Variants in NEGR1 observed in about 807,000 individuals in gnomAD.
The protein encoded by NEGR1 is neuronal growth regulator 1.
NEGR1 carries 10 observed loss-of-function variants against 40.9 expected under a neutral mutation model. That is an observed-to-expected ratio of 0.24 (90% confidence interval 0.15 to 0.42). The LOEUF is 0.42. NEGR1 is among the 10% of genes least tolerant of loss of function. The probability of loss-of-function intolerance (pLI) is 1.00; values close to 1 mark genes in which losing one functional copy is unlikely to be tolerated. For missense variants in NEGR1, 352 were observed against 438.9 expected (o/e 0.80, Z 1.77); for synonymous variants, 185 against 166.8 (o/e 1.11, Z -0.84).
rs1646239081 is a variant in NEGR1 at position 71,400,430 on chromosome 1, T to G, written c.*7016A>C. On this transcript the variant is annotated 3_prime_UTR_variant, in exon 7 of 7. Transcript: ENST00000357731. The stretch of plus-strand genomic sequence containing the variant: ...AATTCCTGTTATACCATGAATTAAA[T>G]GCCCCTGTGACAAAAAAAAAAAGAC... The G allele has an allele frequency of 1.3e-5, 2 of 151,602 alleles. No homozygotes were observed. Among genetic ancestry groups the G allele is most frequent in the Admixed American group, 1.3e-4 (2 of 15,208 alleles). The allele number at this position is 151,602 out of a possible 1,614,324, so 9.4% of individuals were successfully genotyped here.
chr1:71,712,547 A>C (rs1220520657), intron 3 of NEGR1, among the ~76,000 whole-genome samples: 1 of 152,204 alleles, frequency 6.6e-6, no homozygotes, highest in Admixed American at 6.5e-5. Context: ...TGGCCAGAGA[A>C]TATAACTTTG....
chr1:71,902,933 C>A (rs2101865144), intron 2 of NEGR1, among the ~76,000 whole-genome samples: 1 of 151,814 alleles, frequency 6.6e-6, no homozygotes, highest in South Asian at 2.1e-4. Context: ...TTCATATATT[C>A]ATTAGCTATG....
intron 1 of NEGR1, among the ~76,000 whole-genome samples, chr1:72,099,047 T>C (rs1180812417): frequency 2.6e-5 from 4 of 151,964 alleles, no homozygotes; most frequent in African/African-American, 4.8e-5. Flanking sequence ...TTCATTTAAA[T>C]TGTTATTAAT....
intron 1 of NEGR1, among the ~76,000 whole-genome samples, chr1:72,007,461 T>G (rs1646617732): frequency 6.6e-6 from 1 of 151,988 alleles, no homozygotes; most frequent in African/African-American, 2.4e-5. Flanking sequence ...CAGTGTGAGC[T>G]CACTTGGTTG....
intron 1 of NEGR1, among the ~76,000 whole-genome samples, chr1:72,012,447 C>T (rs1646665538): frequency 1.3e-5 from 2 of 152,022 alleles, no homozygotes; most frequent in African/African-American, 4.8e-5. Context: ...TTATTGGTGC[C>T]AAAGTGAATT....
At chr1:71,659,076 A>G (rs1444411581) in intron 4 of NEGR1, among the ~76,000 whole-genome samples, 1 of 152,152 alleles carries the variant, frequency 6.6e-6, no homozygotes, top group Non-Finnish European at 1.5e-5. Flanking sequence ...AGGTAGAAAG[A>G]CTTTTACTGA....
chr1:71,550,886 A>G (rs981802323), intron 6 of NEGR1, among the ~76,000 whole-genome samples: 1 of 151,608 alleles, frequency 6.6e-6, no homozygotes, highest in Non-Finnish European at 1.5e-5. Flanking sequence ...CTATGAGATA[A>G]GCCCTACGTA....
intron 5 of NEGR1, among the ~76,000 whole-genome samples, chr1:71,598,873 G>A (rs1328742513): frequency 6.6e-6 from 1 of 152,014 alleles, no homozygotes; most frequent in Admixed American, 6.6e-5. Flanking sequence ...CATCATTTCA[G>A]CTTTAAGTTT....
intron 3 of NEGR1, among the ~76,000 whole-genome samples, chr1:71,710,362 T>A (rs994878922): frequency 3.9e-5 from 6 of 152,124 alleles, no homozygotes; most frequent in Admixed American, 6.6e-5. Context: ...GATGCAGCAA[T>A]CCCACTGCTG....
At chr1:71,926,685 T>C (rs923628769) in intron 2 of NEGR1, among the ~76,000 whole-genome samples, 7 of 151,396 alleles carry the variant, frequency 4.6e-5, no homozygotes, top group African/African-American at 1.5e-4. Context: ...TTGTCTTTCA[T>C]TGGCAAGTAA....
At chr1:71,763,197 T>C (rs1162722315) in intron 3 of NEGR1, among the ~76,000 whole-genome samples, 1 of 152,172 alleles carries the variant, frequency 6.6e-6, no homozygotes, top group Non-Finnish European at 1.5e-5. Context: ...ATTGCACTAA[T>C]GACCATTTCC....
chr1:72,262,630 CCTT>C (rs1170379320), intron 1 of NEGR1, among the ~76,000 whole-genome samples: 4 of 151,852 alleles, frequency 2.6e-5, no homozygotes, highest in African/African-American at 9.7e-5. Flanking sequence ...ATTATTATCT[CCTT>C]CACTCAAAAA....
chr1:71,869,217 G>C (rs1660207363), intron 2 of NEGR1, among the ~76,000 whole-genome samples: 1 of 152,154 alleles, frequency 6.6e-6, no homozygotes, highest in East Asian at 1.9e-4. Flanking sequence ...GAATAGATTA[G>C]AGGAAGGAAT....
intron 1 of NEGR1, among the ~76,000 whole-genome samples, chr1:71,952,058 C>G: frequency 6.6e-6 from 1 of 151,840 alleles, no homozygotes; most frequent in East Asian, 1.9e-4. Context: ...CAAGATACAA[C>G]AATTTTGCAA....
chr1:71,519,466 A>G (rs1279711827), intron 6 of NEGR1, among the ~76,000 whole-genome samples: 4 of 44,634 alleles, frequency 9.0e-5, no homozygotes, highest in Non-Finnish European at 1.3e-4. Context: ...ATTCTCAGTA[A>G]ACTATCGCAA....
intron 1 of NEGR1, among the ~76,000 whole-genome samples, chr1:72,248,967 C>A (rs1654998093): frequency 6.6e-6 from 1 of 152,182 alleles, no homozygotes; most frequent in Non-Finnish European, 1.5e-5. Flanking sequence ...GATTGCTACT[C>A]CATTATTCAT....
At position 71,609,509 on chromosome 1, in the gene NEGR1, C is replaced by T. The variant is rs1255201843; in HGVS notation, c.788+1517G>A. 3.0e-4 allele frequency among the ~76,000 whole-genome samples: 11 copies of T among 36,948 alleles called. No homozygotes were observed. In the East Asian group the frequency reaches 3.7e-3, roughly 12 times the overall value. The allele number at this position is 36,948 out of a possible 152,430, so 24.2% of individuals were successfully genotyped here. On this transcript the variant is annotated intron_variant, in intron 5 of 6. Coordinates refer to ENST00000357731, the MANE Select transcript of NEGR1 (RefSeq NM_173808.3). ...CAGCCTGGGCGACAAACCAAGACTC[C>T]GTCTCAAAAAAAAAAAAAAAAAAAA...
intron 1 of NEGR1, among the ~76,000 whole-genome samples, chr1:72,222,898 T>G (rs910093593): frequency 6.6e-6 from 1 of 152,046 alleles, no homozygotes; most frequent in African/African-American, 2.4e-5. Context: ...GTGTCAGACA[T>G]GTGAGTGAAG....
chr1:72,100,306 T>G (rs1373931001), intron 1 of NEGR1, among the ~76,000 whole-genome samples: 2 of 152,180 alleles, frequency 1.3e-5, no homozygotes, highest in African/African-American at 4.8e-5. Flanking sequence ...ACCACATACA[T>G]GCATGTCCTT....
Sources: gnomAD v4.1 joint callset for allele counts (sites outside exome capture counted in the v4.1 genomes callset) on GRCh38, gnomAD v4.1.1 for gene constraint, MANE v1.5 for transcripts, NCBI Gene and HGNC (gene_info 2026-07-23, HGNC 2026-07-21) for gene names.